The following UBE2K variants were observed in gnomAD, a reference collection of about 807,000 sequenced individuals.
UBE2K encodes the protein ubiquitin conjugating enzyme E2 K, also known as ubiquitin-conjugating enzyme E2 K.
In UBE2K, 6 loss-of-function variants were observed where a neutral mutation model predicts 30.0. That is an observed-to-expected ratio of 0.20 (90% CI 0.11 to 0.39). The LOEUF (loss-of-function observed/expected upper bound fraction) is 0.39, where lower values mean the gene tolerates loss of function less well. Among genes scored for constraint, UBE2K ranks in the 10% least tolerant of loss-of-function variants. The probability of loss-of-function intolerance (pLI) is 1.00; values close to 1 mark genes in which losing one functional copy is unlikely to be tolerated. For missense variants in UBE2K, 61 were observed against 241.6 expected (o/e 0.25, Z 4.96); for synonymous variants, 86 against 83.7 (o/e 1.03, Z -0.15).
At chr4:39,762,199 TA>T (rs1173014540) in intron 4 of UBE2K, among the ~76,000 whole-genome samples, 1 of 149,392 alleles carries the variant, frequency 6.7e-6, no homozygotes. Context: ...ATAATAATAA[TA>T]ATAATAATAA....
chr4:39,750,602 C>T (rs1471239497), intron 3 of UBE2K, among the ~76,000 whole-genome samples: 1 of 152,134 alleles, frequency 6.6e-6, no homozygotes, highest in Non-Finnish European at 1.5e-5. Context: ...CTACATTGCC[C>T]AGGCTGGTCT....
intron 1 of UBE2K, 29 bp from the exon 2 acceptor site, chr4:39,737,391 C>A: frequency 7.0e-7 from 1 of 1,421,886 alleles, no homozygotes; most frequent in Non-Finnish European, 9.5e-7. Flanking sequence ...GCTGACATAA[C>A]TAACATTTAT....
At chr4:39,775,160 C>G (rs1002064942) in intron 5 of UBE2K, among the ~76,000 whole-genome samples, 1 of 152,186 alleles carries the variant, frequency 6.6e-6, no homozygotes, top group Non-Finnish European at 1.5e-5. Context: ...TATTTTCAAA[C>G]ACATAAAGTC....
At chr4:39,770,820 A>G (rs1578505100) in intron 4 of UBE2K, 3 of 1,549,352 alleles carry the variant, frequency 1.9e-6, no homozygotes, top group Non-Finnish European at 2.6e-6. Context: ...GACGATGCAG[A>G]TGTCAGATAC....
In UBE2K at chr4:39,778,343, C is replaced by G; in HGVS notation, c.529-17C>G. ...TTCCTTGAGATTTAATTTCCTGTCC[C>G]CTTTTCTTCTCTACAGAATGCAGTA... On this transcript the variant is annotated splice_polypyrimidine_tract_variant and intron_variant, in intron 6 of 6. Coordinates refer to ENST00000261427, the MANE Select transcript of UBE2K (RefSeq NM_005339.5). The G allele has an allele frequency of 6.4e-7, 1 of 1,557,248 alleles. No homozygotes were observed. Among genetic ancestry groups the G allele is most frequent in the Non-Finnish European group, 8.8e-7 (1 of 1,132,658 alleles).
At chr4:39,711,632 T>G (rs948969122) in intron 1 of UBE2K, among the ~76,000 whole-genome samples, 1 of 151,980 alleles carries the variant, frequency 6.6e-6, no homozygotes, top group Non-Finnish European at 1.5e-5. Flanking sequence ...GGGGAACATG[T>G]AAGAGTTTTT....
At chr4:39,773,433 A>G (rs759679848) in intron 4 of UBE2K, among the ~76,000 whole-genome samples, 19 of 151,962 alleles carry the variant, frequency 1.3e-4, no homozygotes, top group Non-Finnish European at 2.4e-4. Flanking sequence ...GCGCCACTGC[A>G]CTCCAGCCTC....
chr4:39,713,506 C>T (rs1430364414), intron 1 of UBE2K, among the ~76,000 whole-genome samples: 1 of 149,666 alleles, frequency 6.7e-6, no homozygotes, highest in Non-Finnish European at 1.5e-5. Context: ...GTCTATCTTA[C>T]ATTATGTGGC....
chr4:39,764,012 G>A (rs1712147235), intron 4 of UBE2K, among the ~76,000 whole-genome samples: 1 of 152,188 alleles, frequency 6.6e-6, no homozygotes, highest in Non-Finnish European at 1.5e-5. Context: ...GACTGCAGGC[G>A]TGAGCCATCG....
intron 1 of UBE2K, among the ~76,000 whole-genome samples, chr4:39,699,065 C>T (rs931684089): frequency 6.6e-6 from 1 of 152,078 alleles, no homozygotes; most frequent in African/African-American, 2.4e-5. Flanking sequence ...CCACTTAACC[C>T]CCAAATTCCT....
chr4:39,730,333 C>T lies in UBE2K; in HGVS notation c.64-7087C>T, dbSNP rs189825306. 2.9e-3 allele frequency among the ~76,000 whole-genome samples: 435 copies of T among 152,114 alleles called. 1 individual carries two copies. The highest frequency in any genetic ancestry group is 6.5e-3 in the Admixed American group (99 of 15,268). ...CTGAATAGCTGGGATTACAGACACA[C>T]GTTTTTTGTTTTTTTTGTTTTTTTT... On this transcript the variant is annotated intron_variant, in intron 1 of 6. Coordinates refer to ENST00000261427, the MANE Select transcript of UBE2K (RefSeq NM_005339.5).
chr4:39,769,306 A>C (rs1255798562), intron 4 of UBE2K, among the ~76,000 whole-genome samples: 1 of 151,606 alleles, frequency 6.6e-6, no homozygotes, highest in African/African-American at 2.4e-5. Context: ...AAAAATCCTA[A>C]AAAATGTTTT....
In UBE2K at chr4:39,702,231, C is replaced by CTTTTTTTTTTTTTTTTTTTTTTTT. The variant is rs564712672; in HGVS notation, c.63+3858_63+3881dup. Among the ~76,000 whole-genome samples the CTTTTTTTTTTTTTTTTTTTTTTTT allele has an allele frequency of 4.5e-4, 30 of 67,362 alleles. 3 individuals are homozygous for CTTTTTTTTTTTTTTTTTTTTTTTT. Among genetic ancestry groups the CTTTTTTTTTTTTTTTTTTTTTTTT allele is most frequent in the East Asian group, 7.8e-4 (2 of 2,562 alleles). 44.2% of individuals were successfully genotyped at this position (67,362 alleles called of 152,430 possible). On this transcript the variant is annotated intron_variant, in intron 1 of 6. Coordinates refer to ENST00000261427, the MANE Select transcript of UBE2K (RefSeq NM_005339.5). ...ATTTTCTTTTCTTTTCTTTTCTTTTCTTTTTTTTTTTTTTTTTTTTTTTTT... is the reference window on the plus strand; with the variant it reads ...ATTTTCTTTTCTTTTCTTTTCTTTTCTTTTTTTTTTTTTTTTTTTTTTTTTTTTTTTTTTTTTTTTTTTTTTTTT...
At chr4:39,714,517 CATATATATATATATATATAT>C (rs71645182) in intron 1 of UBE2K, 1 of 41,620 alleles carries the variant, frequency 2.4e-5, no homozygotes, top group East Asian at 1.2e-3. Flanking sequence ...TTAGAAGTTT[CATATATATATATATATATAT>C]ATATATATAT....
chr4:39,775,003 C>T (rs1713201546), intron 5 of UBE2K, 70 bp downstream of exon 5: 2 of 933,696 alleles, frequency 2.1e-6, no homozygotes, highest in South Asian at 2.0e-5. Flanking sequence ...GTGGTTTGCA[C>T]ATTAACACAT....
chr4:39,700,347 A>T (rs1467741535), intron 1 of UBE2K, among the ~76,000 whole-genome samples: 1 of 152,198 alleles, frequency 6.6e-6, no homozygotes, highest in African/African-American at 2.4e-5. Context: ...AAAACAGGAA[A>T]TGCAAACAGA....
intron 1 of UBE2K, among the ~76,000 whole-genome samples, chr4:39,721,118 C>T (rs949670504): frequency 1.3e-5 from 2 of 151,974 alleles, no homozygotes; most frequent in African/African-American, 2.4e-5. Flanking sequence ...ACCAAAACTG[C>T]GTCATAACCT....
At chr4:39,722,371 A>C (rs941077467) in intron 1 of UBE2K, among the ~76,000 whole-genome samples, 12 of 152,318 alleles carry the variant, frequency 7.9e-5, no homozygotes, top group African/African-American at 2.9e-4. Context: ...ATATTAGTAC[A>C]TGTGTAATAT....
At chr4:39,710,257 C>CTGAT (rs71194906) in intron 1 of UBE2K, 120,824 of 149,044 alleles carry the variant, frequency 0.81, 49,334 homozygotes, top group East Asian at 0.92. Flanking sequence ...TGCCTACTGT[C>CTGAT]TGATTGATTG....
Sources: gnomAD v4.1 joint callset for allele counts (sites outside exome capture counted in the v4.1 genomes callset) on GRCh38, gnomAD v4.1.1 for gene constraint, MANE v1.5 for transcripts, NCBI Gene and HGNC (gene_info 2026-07-23, HGNC 2026-07-21) for gene names.